The following MCF2L variants were observed in gnomAD, a reference collection of about 807,000 sequenced individuals.
The protein encoded by MCF2L is guanine nucleotide exchange factor DBS.
Under a neutral mutation model 153.4 loss-of-function variants are expected in MCF2L, and 97 were observed. The observed-to-expected ratio is 0.63, with a 90% confidence interval of 0.54 to 0.75. MCF2L has a LOEUF of 0.75. MCF2L is among the 30% of genes least tolerant of loss of function. The pLI is 0.00. For synonymous variants in MCF2L, 659 were observed against 632.2 expected, an observed-to-expected ratio of 1.04 and a Z score of -0.64; for missense variants, 1,347 against 1,495.2, an observed-to-expected ratio of 0.90 and a Z score of 1.64.
At chr13:113,034,516 G>A (rs2086009185) in intron 3 of MCF2L, among the ~76,000 whole-genome samples, 1 of 152,104 alleles carries the variant, frequency 6.6e-6, no homozygotes, top group Non-Finnish European at 1.5e-5. Context: ...CCGTCCTGGA[G>A]GAGTGAGTGC....
In MCF2L at chr13:112,905,450, C is replaced by T. The variant is rs931212172; in HGVS notation, c.169+3079C>T. The stretch of plus-strand genomic sequence containing the variant: ...ATGGATGTGGGTTACAGATTGGGAA[C>T]GGCACGAAGTTTGTTTACCGTAACT... On this transcript the variant is annotated intron_variant, in intron 2 of 29. Transcript: ENST00000375608. 5.9e-5 allele frequency among the ~76,000 whole-genome samples: 9 copies of T among 152,218 alleles called. No homozygotes were observed. The East Asian group carries it at 7.7e-4, about 13-fold the overall frequency.
At chr13:113,090,791 C>T (rs947954563) in intron 26 of MCF2L, 1 of 985,310 alleles carries the variant, frequency 1.0e-6, no homozygotes, top group Non-Finnish European at 1.2e-6. Flanking sequence ...TTTAAGTTGG[C>T]CTGAGACTTG....
At chr13:112,987,501 C>T (rs867113809) in intron 1 of MCF2L, among the ~76,000 whole-genome samples, 2 of 152,250 alleles carry the variant, frequency 1.3e-5, no homozygotes, top group African/African-American at 4.8e-5. Context: ...TGCAGCCGCA[C>T]AGTTGAGTCC....
At position 113,057,044 on chromosome 13, in the gene MCF2L, AGTGTTTGGGTGCTGT is replaced by A. The variant is rs1333594015; in HGVS notation, c.370-3534_370-3520del. 3.1e-3 allele frequency among the ~76,000 whole-genome samples: 268 copies of A among 87,370 alleles called. 2 individuals carry two copies. The highest frequency in any genetic ancestry group is 0.012 in the African/African-American group (253 of 21,110). The allele number at this position is 87,370 out of a possible 152,430, so 57.3% of individuals were successfully genotyped here. A position where few individuals can be genotyped will look rare whatever the true frequency, so the allele number is the denominator to read the frequency against. On this transcript the variant is annotated intron_variant, in intron 4 of 29. Coordinates refer to ENST00000535094, the MANE Select transcript of MCF2L (RefSeq NM_001112732.3). ...CTGAGTGGGCACTGAGTGGGCGCTG[AGTGTTTGGGTGCTGT>A]GTGTTTGGGTGCTGAGTGTTTTGGT... is the stretch of plus-strand genomic sequence containing the variant.
At chr13:113,076,402 T>C (rs550346165) in intron 12 of MCF2L, among the ~76,000 whole-genome samples, 1 of 152,078 alleles carries the variant, frequency 6.6e-6, no homozygotes. Context: ...GTAGCTGGGA[T>C]TACAGGCGCC....
At chr13:113,096,190 G>A in intron 27 of MCF2L, 181 bp from the exon 28 acceptor site, 1 of 610,092 alleles carries the variant, frequency 1.6e-6, no homozygotes, top group Non-Finnish European at 2.9e-6. Context: ...CATCGCCGCT[G>A]CGGTAGTCAT....
chr13:112,948,574 AT>A (rs2081660249), intron 2 of MCF2L, among the ~76,000 whole-genome samples: 1 of 152,224 alleles, frequency 6.6e-6, no homozygotes, highest in South Asian at 2.1e-4. Flanking sequence ...GCATATCAAA[AT>A]TTATGGAACA....
intron 2 of MCF2L, chr13:112,957,135 G>C (rs1396235614): frequency 6.6e-6 from 1 of 151,744 alleles, no homozygotes; most frequent in Admixed American, 6.6e-5. Context: ...ACGTGACCCT[G>C]GAGAGCTCTA....
At chr13:112,917,689 G>A (rs978882640) in intron 2 of MCF2L, among the ~76,000 whole-genome samples, 4 of 152,198 alleles carry the variant, frequency 2.6e-5, no homozygotes, top group Non-Finnish European at 5.9e-5. Context: ...GTTCTTTCAG[G>A]CCCTCCTTGG....
At chr13:113,092,586 G>T (rs532849365) in intron 26 of MCF2L, among the ~76,000 whole-genome samples, 2 of 152,256 alleles carry the variant, frequency 1.3e-5, no homozygotes, top group African/African-American at 2.4e-5. Flanking sequence ...CCCAAGCCCT[G>T]CAGGTGGTGA....
rs2082504817 is a variant in MCF2L, at chr13:112,983,235, C to T, written c.79+13777C>T. Reference sequence around the variant, plus strand: ...CAGGTTCATGGCAGCTGGGTAGGGACGGGAAGCTCCAGTAAGATTCACCAT... The same window carrying T: ...CAGGTTCATGGCAGCTGGGTAGGGATGGGAAGCTCCAGTAAGATTCACCAT... On this transcript the variant is annotated intron_variant, in intron 1 of 29. Transcript: ENST00000535094. The surrounding 1 kb of genome is among the most constrained non-coding windows in gnomAD (Gnocchi z 4.0). 2.0e-5 allele frequency among the ~76,000 whole-genome samples: 3 copies of T among 152,026 alleles called. No homozygotes were observed. The highest frequency in any genetic ancestry group is 2.0e-4 in the Admixed American group (3 of 15,252).
chr13:112,999,573 G>A (rs369090013), intron 1 of MCF2L, among the ~76,000 whole-genome samples: 13 of 152,294 alleles, frequency 8.5e-5, no homozygotes, highest in South Asian at 4.2e-4. Context: ...CCAGCCCTCC[G>A]TGTCCTCCAG....
chr13:112,922,342 C>T (rs140587634), intron 2 of MCF2L, among the ~76,000 whole-genome samples: 6 of 152,308 alleles, frequency 3.9e-5, no homozygotes, highest in African/African-American at 1.2e-4. Flanking sequence ...AAAGATCATA[C>T]AATTTCAGTG....
intron 2 of MCF2L, among the ~76,000 whole-genome samples, chr13:112,930,192 C>T (rs2081447478): frequency 6.6e-6 from 1 of 152,206 alleles, no homozygotes; most frequent in South Asian, 2.1e-4. Flanking sequence ...GATCTTGCTT[C>T]TTGGTGTTTA....
At chr13:112,971,796 G>C (rs1308584255) in intron 1 of MCF2L, among the ~76,000 whole-genome samples, 1 of 152,128 alleles carries the variant, frequency 6.6e-6, no homozygotes, top group Non-Finnish European at 1.5e-5. Context: ...CTTCCCCCTG[G>C]CCCCCCTTCT....
chr13:112,995,667 C>G (rs2083097343), intron 1 of MCF2L, among the ~76,000 whole-genome samples: 1 of 152,172 alleles, frequency 6.6e-6, no homozygotes, highest in Non-Finnish European at 1.5e-5. Context: ...GAGCGTGGCT[C>G]TGGGTGTGGA....
rs148834842 is a variant in MCF2L at position 112,898,459 on chromosome 13, G to A, written c.-4-3740G>A. Among the ~76,000 whole-genome samples, 985 of 152,256 alleles carry A rather than the reference G, an allele frequency of 6.5e-3. 15 individuals are homozygous for A. Among genetic ancestry groups the A allele is most frequent in the African/African-American group, 0.023 (938 of 41,552 alleles). ...CCGTGAACCGAGCTCGGCAGGTGCC[G>A]GAACTGAGTCCAGGTCCAGCCTTTC... On this transcript the variant is annotated intron_variant, in intron 1 of 29. Coordinates refer to the MCF2L transcript ENST00000375608.
At chr13:112,909,015 C>T (rs568978293) in intron 2 of MCF2L, among the ~76,000 whole-genome samples, 38 of 152,290 alleles carry the variant, frequency 2.5e-4, no homozygotes, top group African/African-American at 8.2e-4. Context: ...TTAGCCACCG[C>T]GCCCCGCCCA....
intron 3 of MCF2L, among the ~76,000 whole-genome samples, chr13:113,038,950 C>T (rs941052200): frequency 1.3e-5 from 2 of 152,166 alleles, no homozygotes; most frequent in African/African-American, 2.4e-5. Flanking sequence ...CGCCGCCTCC[C>T]GGGTTCACGC....
Sources: allele counts gnomAD v4.1 joint callset (sites outside exome capture counted in the v4.1 genomes callset), GRCh38; gene constraint gnomAD v4.1.1; non-coding constraint Gnocchi (gnomAD v3.1); transcripts MANE v1.5; gene names NCBI Gene and HGNC (gene_info 2026-07-23, HGNC 2026-07-21).